The following KLF8 variants were observed in gnomAD, a reference collection of about 807,000 sequenced individuals.
KLF8 encodes the protein Krueppel-like factor 8.
Under a neutral mutation model 18.2 loss-of-function variants are expected in KLF8, and 10 were observed. That is an observed-to-expected ratio of 0.55 (90% CI 0.34 to 0.93). KLF8 has a LOEUF of 0.93. Ranked by LOEUF, KLF8 falls within the 40% of genes least tolerant of loss-of-function variation. KLF8 has a pLI of 0.02. For synonymous variants in KLF8, 109 were observed against 97.3 expected, an observed-to-expected ratio of 1.12 and a Z score of -0.71; for missense variants, 264 against 277.9, an observed-to-expected ratio of 0.95 and a Z score of 0.36.
At chrX:56,266,289 G>A in intron 3 of KLF8, 8 of 752,257 alleles carry the variant, frequency 1.1e-5, no homozygotes, top group Non-Finnish European at 1.3e-5. Context: ...TACAAAAGAA[G>A]TAATTGAAAT....
At chrX:56,052,032 C>T in the KLF8 span, among the ~76,000 whole-genome samples, 15 of 111,583 alleles carry the variant, frequency 1.3e-4, no homozygotes, top group Non-Finnish European at 5.6e-5. Context: ...TCTTCCATTG[C>T]TGATACCCTT....
the KLF8 span, among the ~76,000 whole-genome samples, chrX:55,937,347 G>A: frequency 8.9e-6 from 1 of 111,862 alleles, no homozygotes; most frequent in South Asian, 3.7e-4. Flanking sequence ...CAAACAGAAA[G>A]GACATCCACA....
the KLF8 span, among the ~76,000 whole-genome samples, chrX:56,108,845 C>T: frequency 1.8e-5 from 2 of 111,633 alleles, no homozygotes; most frequent in African/African-American, 6.5e-5. Context: ...TCCCACTGAG[C>T]ATTGTTTTCA....
the KLF8 span, among the ~76,000 whole-genome samples, chrX:55,989,100 G>A: frequency 4.5e-5 from 5 of 111,638 alleles, no homozygotes; most frequent in South Asian, 7.5e-4. Context: ...AGGAGATTTG[G>A]GGCTGAGACA....
At chrX:56,280,219 C>A (rs749516385) in intron 5 of KLF8, among the ~76,000 whole-genome samples, 1 of 111,992 alleles carries the variant, frequency 8.9e-6, no homozygotes, top group Non-Finnish European at 1.9e-5. Context: ...CCAAATGTAT[C>A]ATTGATTCTT....
the KLF8 span, among the ~76,000 whole-genome samples, chrX:56,031,684 A>C: frequency 8.9e-6 from 1 of 111,776 alleles, no homozygotes; most frequent in Non-Finnish European, 1.9e-5. Flanking sequence ...GCTGTCCATC[A>C]GTCACCTCGT....
the KLF8 span, among the ~76,000 whole-genome samples, chrX:56,213,309 CTTTTCT>C: frequency 4.6e-3 from 109 of 23,472 alleles, 1 homozygote; most frequent in African/African-American, 0.02. Flanking sequence ...CTTTTCTTTT[CTTTTCT>C]TTTTTTTTTT....
the KLF8 span, among the ~76,000 whole-genome samples, chrX:56,156,691 T>A: frequency 9.2e-6 from 1 of 108,802 alleles, no homozygotes; most frequent in African/African-American, 3.4e-5. Flanking sequence ...TCATTTAACA[T>A]TAGGTATATC....
rs773596099 is a variant in KLF8 at position 56,269,327 on chromosome X, A to G, written c.647-51A>G. 341 of 1,124,917 alleles carry G rather than the reference A, an allele frequency of 3.0e-4. 3 individuals are homozygous for G. The South Asian group carries it at 7.1e-3, about 24-fold the overall frequency. 92.7% of individuals were successfully genotyped at this position (1,124,917 alleles called of 1,213,427 possible). ...CAAACTGGGAATCCTGAAAATGATT[A>G]AAGAGGCACATACATCTTCAGCTCA... On this transcript the variant is annotated intron_variant, in intron 3 of 5. Transcript: ENST00000468660.
the KLF8 span, among the ~76,000 whole-genome samples, chrX:55,922,255 A>G: frequency 3.5e-5 from 4 of 112,945 alleles, no homozygotes; most frequent in African/African-American, 1.3e-4. Flanking sequence ...GAAATATGCT[A>G]CATTACACAA....
chrX:56,227,244 G>A, the KLF8 span, among the ~76,000 whole-genome samples: 2 of 112,054 alleles, frequency 1.8e-5, no homozygotes, highest in Admixed American at 9.4e-5. Context: ...GAGCCCTGGC[G>A]CCTCTCTGGA....
chrX:56,178,306 C>T, the KLF8 span, among the ~76,000 whole-genome samples: 1 of 112,382 alleles, frequency 8.9e-6, no homozygotes, highest in African/African-American at 3.2e-5. Flanking sequence ...CTGTTGATAT[C>T]CTTCACCCAC....
At chrX:56,051,875 G>A in the KLF8 span, among the ~76,000 whole-genome samples, 229 of 108,996 alleles carry the variant, frequency 2.1e-3, 2 homozygotes, top group African/African-American at 7.5e-3. Context: ...TTCCAACTTG[G>A]TTCCATTCTC....
chrX:55,990,402 C>T, the KLF8 span, among the ~76,000 whole-genome samples: 1 of 112,152 alleles, frequency 8.9e-6, no homozygotes, highest in Non-Finnish European at 1.9e-5. Context: ...TATGTTGTGT[C>T]TTTGTTCTCA....
the KLF8 span, among the ~76,000 whole-genome samples, chrX:56,225,199 A>G: frequency 1.7e-4 from 19 of 111,394 alleles, no homozygotes; most frequent in Non-Finnish European, 2.8e-4. Flanking sequence ...TTATTATTAA[A>G]CATTTAGATC....
At chrX:56,077,723 T>G in the KLF8 span, among the ~76,000 whole-genome samples, 1 of 111,908 alleles carries the variant, frequency 8.9e-6, no homozygotes, top group South Asian at 3.8e-4. Flanking sequence ...ATCTATAAAT[T>G]ACCTTGGGCA....
At chrX:56,160,470 T>C in the KLF8 span, among the ~76,000 whole-genome samples, 1 of 111,388 alleles carries the variant, frequency 9.0e-6, no homozygotes, top group Non-Finnish European at 1.9e-5. Flanking sequence ...CGTTGATCTG[T>C]CTAATGTTGA....
intron 5 of KLF8, among the ~76,000 whole-genome samples, chrX:56,271,375 A>G (rs766630127): frequency 8.9e-6 from 1 of 111,826 alleles, no homozygotes; most frequent in Non-Finnish European, 1.9e-5. Context: ...TTATAACCCC[A>G]GGAATTCAAA....
the KLF8 span, among the ~76,000 whole-genome samples, chrX:56,177,716 C>A: frequency 9.0e-6 from 1 of 111,678 alleles, no homozygotes; most frequent in Admixed American, 9.5e-5. Context: ...TCTACAGAGG[C>A]AGGCAGGCCT....
Sources: allele counts gnomAD v4.1 joint callset (sites outside exome capture counted in the v4.1 genomes callset), GRCh38; gene constraint gnomAD v4.1.1; transcripts MANE v1.5; gene names NCBI Gene and HGNC (gene_info 2026-07-23, HGNC 2026-07-21).